ARFGEF1: variants seen among roughly 807,000 people sequenced by gnomAD.
ARFGEF1 encodes the protein brefeldin A-inhibited guanine nucleotide-exchange protein 1.
In ARFGEF1, 42 loss-of-function variants were observed where a neutral mutation model predicts 231.0. That is an observed-to-expected ratio of 0.18 (90% CI 0.14 to 0.24). The LOEUF (loss-of-function observed/expected upper bound fraction) is 0.24. Among genes scored for constraint, ARFGEF1 ranks in the 10% least tolerant of loss-of-function variants. ARFGEF1 has a pLI of 1.00. For synonymous variants in ARFGEF1, 710 were observed against 732.3 expected (o/e 0.97, Z 0.49); for missense variants, 1,345 against 2,192.0 (o/e 0.61, Z 7.72).
At chr8:67,195,913 C>T (rs1837849002), downstream of ARFGEF1, 3 of 221,124 alleles carry the variant, frequency 1.4e-5, no homozygotes, top group African/African-American at 2.3e-5. Flanking sequence ...GTGTCTTAAA[C>T]GTCCTGTAAA....
intron 1 of ARFGEF1, among the ~76,000 whole-genome samples, chr8:67,308,172 C>T (rs1353057262): frequency 6.6e-6 from 1 of 152,204 alleles, no homozygotes; most frequent in Admixed American, 6.5e-5. Context: ...GTTTGCCCAG[C>T]TGAGGCCCCA....
At chr8:67,310,844 G>A (rs1273271587) in intron 1 of ARFGEF1, among the ~76,000 whole-genome samples, 1 of 151,686 alleles carries the variant, frequency 6.6e-6, no homozygotes, top group African/African-American at 2.4e-5. Context: ...TGAGAAGTGA[G>A]GAGCCCCTCC....
intron 37 of ARFGEF1, 114 bp downstream of exon 37, chr8:67,201,352 TA>T: frequency 7.7e-7 from 1 of 1,306,384 alleles, no homozygotes; most frequent in Non-Finnish European, 1.0e-6. Flanking sequence ...CTCTGTGGAA[TA>T]GGGGCATCCA....
chr8:67,301,510 C>T (rs1399908716), intron 2 of ARFGEF1, 130 bp from the exon 3 acceptor site: 23 of 990,152 alleles, frequency 2.3e-5, no homozygotes, highest in Admixed American at 2.0e-4. Flanking sequence ...TCCCATATTT[C>T]GAGAGGAAAC....
intron 37 of ARFGEF1, 40 bp downstream of exon 37, chr8:67,201,427 G>A (rs1268034824): frequency 6.3e-7 from 1 of 1,580,164 alleles, no homozygotes; most frequent in Non-Finnish European, 8.6e-7. Flanking sequence ...GGCACCACGT[G>A]GCTACCTGGT....
chr8:67,283,072 T>C (rs1805604909), intron 7 of ARFGEF1, among the ~76,000 whole-genome samples: 1 of 152,132 alleles, frequency 6.6e-6, no homozygotes, highest in South Asian at 2.1e-4. Flanking sequence ...TTAGTTGGAA[T>C]ATACAAAATG....
intron 9 of ARFGEF1, among the ~76,000 whole-genome samples, chr8:67,273,419 C>CAAAAAAAA (rs58580002): frequency 5.8e-4 from 33 of 56,618 alleles, no homozygotes; most frequent in African/African-American, 2.2e-3. Context: ...TTTTTTTTCC[C>CAAAAAAAA]AAAAAAAAAA....
chr8:67,304,086 A>G (rs1806628181), intron 1 of ARFGEF1, among the ~76,000 whole-genome samples: 1 of 152,226 alleles, frequency 6.6e-6, no homozygotes, highest in Admixed American at 6.5e-5. Flanking sequence ...TGAGAAACTG[A>G]ACAAACTGTG....
intron 7 of ARFGEF1, among the ~76,000 whole-genome samples, chr8:67,282,149 T>C (rs991783501): frequency 6.6e-5 from 10 of 151,968 alleles, no homozygotes; most frequent in East Asian, 3.9e-4. Flanking sequence ...CTAAAAAAAA[T>C]TGAAGAGGGA....
chr8:67,298,773 G>A (rs753927286), intron 4 of ARFGEF1, among the ~76,000 whole-genome samples: 3 of 151,870 alleles, frequency 2.0e-5, no homozygotes, highest in Non-Finnish European at 2.9e-5. Flanking sequence ...TGACCTCTTC[G>A]TTTTTTTCTT....
At chr8:67,335,748 TTTC>T (rs1808315959) in intron 1 of ARFGEF1, among the ~76,000 whole-genome samples, 1 of 152,124 alleles carries the variant, frequency 6.6e-6, no homozygotes, top group African/African-American at 2.4e-5. Flanking sequence ...TTTTAAAGAT[TTTC>T]TTTTTTTTTT....
chr8:67,275,654 T>C (rs1469201432), intron 9 of ARFGEF1, among the ~76,000 whole-genome samples: 2 of 152,110 alleles, frequency 1.3e-5, no homozygotes, highest in Admixed American at 6.6e-5. Context: ...GCCCCTCCTA[T>C]GCACCAGACA....
chr8:67,200,250 C>T (rs1198413490), intron 38 of ARFGEF1, 146 bp downstream of exon 38: 2 of 711,486 alleles, frequency 2.8e-6, no homozygotes, highest in Non-Finnish European at 5.2e-6. Flanking sequence ...TACAGCAAGG[C>T]CACTGGTGGC....
At chr8:67,333,214 T>G (rs1808184993) in intron 1 of ARFGEF1, among the ~76,000 whole-genome samples, 1 of 151,958 alleles carries the variant, frequency 6.6e-6, no homozygotes, top group Non-Finnish European at 1.5e-5. Context: ...TTTGTATTTT[T>G]GGTAGAGACA....
chr8:67,242,474 GAAGGGA>G (rs1248140927), intron 19 of ARFGEF1, among the ~76,000 whole-genome samples: 1 of 152,180 alleles, frequency 6.6e-6, no homozygotes, highest in Admixed American at 6.5e-5. Context: ...CCACTGCCTT[GAAGGGA>G]ATGGCCCAGT....
chr8:67,302,370 T>C, intron 2 of ARFGEF1, 66 bp downstream of exon 2: 1 of 1,315,290 alleles, frequency 7.6e-7, no homozygotes, highest in African/African-American at 1.5e-5. Context: ...CAGATGACTA[T>C]ATTATTTTGA....
chr8:67,250,050 C>T (rs1463679657), intron 19 of ARFGEF1, among the ~76,000 whole-genome samples: 1 of 152,136 alleles, frequency 6.6e-6, no homozygotes, highest in Non-Finnish European at 1.5e-5. Flanking sequence ...CAAAAGAATG[C>T]TGGTGTGAGT....
chr8:67,238,995 T>TG, intron 20 of ARFGEF1, 102 bp from the exon 21 acceptor site: 4 of 949,346 alleles, frequency 4.2e-6, no homozygotes, highest in East Asian at 2.9e-5. Context: ...GATTTTGTTT[T>TG]TTTTTTTTTT....
At chr8:67,293,390 T>C (rs928904080) in intron 5 of ARFGEF1, among the ~76,000 whole-genome samples, 4 of 152,148 alleles carry the variant, frequency 2.6e-5, no homozygotes, top group Admixed American at 2.6e-4. Flanking sequence ...ATAAAAAGTC[T>C]GTTAATCAAA....
Sources: gnomAD v4.1 joint callset for allele counts (sites outside exome capture counted in the v4.1 genomes callset) on GRCh38, gnomAD v4.1.1 for gene constraint, MANE v1.5 for transcripts, NCBI Gene and HGNC (gene_info 2026-07-23, HGNC 2026-07-21) for gene names.